The following PLXNA4 variants were observed in gnomAD, a reference collection of about 807,000 sequenced individuals.
The protein encoded by PLXNA4 is plexin-A4.
PLXNA4 carries 44 observed loss-of-function variants against 191.8 expected under a neutral mutation model. That is an observed-to-expected ratio of 0.23 (90% CI 0.18 to 0.29). The LOEUF (loss-of-function observed/expected upper bound fraction) is 0.29, where lower values mean the gene tolerates loss of function less well. Ranked by LOEUF, PLXNA4 falls within the 10% of genes least tolerant of loss-of-function variation. The probability of loss-of-function intolerance (pLI) is 1.00; values close to 1 mark genes in which losing one functional copy is unlikely to be tolerated. For synonymous variants in PLXNA4, 1,082 were observed against 1,009.5 expected (o/e 1.07, Z -1.36); for missense variants, 1,800 against 2,488.8 (o/e 0.72, Z 5.89).
chr7:132,505,076 C>T (rs918286898), intron 2 of PLXNA4, among the ~76,000 whole-genome samples: 2 of 152,266 alleles, frequency 1.3e-5, no homozygotes, highest in Non-Finnish European at 2.9e-5. Flanking sequence ...AGCCCCAGGC[C>T]TGTGCAGAGT....
intron 1 of PLXNA4, among the ~76,000 whole-genome samples, chr7:132,546,524 T>C (rs1332433501): frequency 6.6e-6 from 1 of 152,204 alleles, no homozygotes; most frequent in Non-Finnish European, 1.5e-5. Context: ...CAGTGGGCAC[T>C]GTTAATTCAC....
chr7:132,481,480 T>C (rs1018041111), intron 3 of PLXNA4, among the ~76,000 whole-genome samples: 3 of 151,936 alleles, frequency 2.0e-5, no homozygotes, highest in African/African-American at 7.3e-5. Flanking sequence ...CCTTTTCTCC[T>C]GGGTAAAATG....
At chr7:132,547,043 T>G (rs1474664475) in intron 1 of PLXNA4, among the ~76,000 whole-genome samples, 1 of 152,174 alleles carries the variant, frequency 6.6e-6, no homozygotes, top group Non-Finnish European at 1.5e-5. Context: ...CTTCCTCTCT[T>G]GAAATAGTAA....
rs766893062 is a variant in PLXNA4, at chr7:132,211,124, C to T, written c.2117G>A (p.Arg706Gln). 4.3e-5 allele frequency: 67 copies of T among 1,562,930 alleles called. No individual in the cohort carries two copies. In the Middle Eastern group the frequency reaches 1.0e-3, roughly 23 times the overall value. ...KLPEDCPQLL[R>Q]VDKILVPVEV... ...CACGGGCACCAGGATCTTGTCCACT[C>T]GCAGCAGCTGGGGGCAGTCCTGGGG... The change falls in exon 10 of 32, where the codon CGA (arginine) becomes CAA (glutamine). Residue 706 changes from arginine to glutamine, a missense_variant. By Grantham distance (43) the Arg-to-Gln change is conservative (BLOSUM62 1). Transcript: ENST00000321063.
chr7:132,376,083 C>G (rs1804646548), intron 3 of PLXNA4, among the ~76,000 whole-genome samples: 1 of 152,184 alleles, frequency 6.6e-6, no homozygotes, highest in South Asian at 2.1e-4. Context: ...CCACCTGTAG[C>G]ATCTGCCCCA....
At chr7:132,491,961 C>G (rs1183961216) in intron 2 of PLXNA4, among the ~76,000 whole-genome samples, 4 of 152,176 alleles carry the variant, frequency 2.6e-5, no homozygotes, top group Non-Finnish European at 4.4e-5. Flanking sequence ...CCTGCCAGGC[C>G]TTCCAAGGGC....
chr7:132,635,130 A>G (rs1205668836), intron 2 of PLXNA4, among the ~76,000 whole-genome samples: 1 of 149,216 alleles, frequency 6.7e-6, no homozygotes, highest in Non-Finnish European at 1.5e-5. Flanking sequence ...CTATTGTGGG[A>G]CCTTGTGATG....
In PLXNA4 at chr7:132,242,805, C is replaced by G. The variant is rs991126072; in HGVS notation, c.1504-1639G>C. Among the ~76,000 whole-genome samples the G allele has an allele frequency of 5.3e-5, 8 of 152,306 alleles. No individual in the cohort carries two copies. The East Asian group carries it at 1.5e-3, about 29-fold the overall frequency. On this transcript the variant is annotated intron_variant, in intron 4 of 31. Coordinates refer to ENST00000321063, the MANE Select transcript of PLXNA4 (RefSeq NM_020911.2). ...GTCTGCCTACATATGACCTTCCTAT[C>G]CTACTAATTAACCTTAACAATTAGT...
intron 2 of PLXNA4, among the ~76,000 whole-genome samples, chr7:132,635,775 A>G (rs1051296336): frequency 6.6e-6 from 1 of 151,668 alleles, no homozygotes; most frequent in African/African-American, 2.4e-5. Context: ...CAACACAGGA[A>G]TTTTCCAACT....
intron 9 of PLXNA4, among the ~76,000 whole-genome samples, chr7:132,216,150 C>T (rs1436954089): frequency 6.6e-6 from 1 of 152,164 alleles, no homozygotes; most frequent in African/African-American, 2.4e-5. Context: ...TTCTAGGCTA[C>T]CCAAGTGGTT....
Position 132,228,398 on chromosome 7 carries a change from A to G in PLXNA4, c.1676T>C (p.Val559Ala), listed in dbSNP as rs1798406253. 1 of 1,614,146 alleles carries G rather than the reference A, an allele frequency of 6.2e-7. No individual in the cohort carries two copies. The highest frequency in any genetic ancestry group is 2.2e-5 in the East Asian group (1 of 44,868). The change falls in exon 6 of 32, where the codon GTC becomes GCC. Residue 559 changes from valine to alanine, a missense_variant. Val to Ala is a moderately conservative substitution (Grantham distance 64). This residue lies in a region of PLXNA4 where 1,397 missense variants were observed against 1,880.4 expected (regional missense o/e 0.74). Transcript: ENST00000321063. ...ATTGTTGGGATGGACCGTCAGCCGGACACACTGCTTCATCTCCGAGGCAAA... is the reference window on the plus strand; with the variant it reads ...ATTGTTGGGATGGACCGTCAGCCGGGCACACTGCTTCATCTCCGAGGCAAA... ...RRFASEMKQC[V>A]RLTVHPNNIS...
chr7:132,603,152 T>A (rs1008805666), intron 2 of PLXNA4, among the ~76,000 whole-genome samples: 1 of 152,220 alleles, frequency 6.6e-6, no homozygotes, highest in Admixed American at 6.5e-5. Context: ...TTTGCTGGTT[T>A]CAATTTTCCT....
intron 3 of PLXNA4, among the ~76,000 whole-genome samples, chr7:132,378,163 C>T (rs758590922): frequency 5.9e-5 from 9 of 152,140 alleles, no homozygotes; most frequent in Non-Finnish European, 1.3e-4. Context: ...AGAGTCATGA[C>T]GGTACCTGGA....
intron 5 of PLXNA4, among the ~76,000 whole-genome samples, chr7:132,235,315 A>T (rs1403713138): frequency 6.6e-6 from 1 of 152,244 alleles, no homozygotes; most frequent in Non-Finnish European, 1.5e-5. Flanking sequence ...ATGGCTATGA[A>T]ATTAGAGCTG....
chr7:132,309,460 T>C (rs1384457196), intron 3 of PLXNA4, among the ~76,000 whole-genome samples: 26 of 152,060 alleles, frequency 1.7e-4, no homozygotes, highest in Non-Finnish European at 2.4e-4. Context: ...CACGCCTCTA[T>C]TGCCTCATCC....
intron 2 of PLXNA4, among the ~76,000 whole-genome samples, chr7:132,596,316 G>A (rs1216397399): frequency 6.6e-6 from 1 of 152,160 alleles, no homozygotes; most frequent in Non-Finnish European, 1.5e-5. Flanking sequence ...AAGCAGGGCT[G>A]GATGTTCCTG....
At chr7:132,605,094 C>T (rs1283771774) in intron 2 of PLXNA4, among the ~76,000 whole-genome samples, 1 of 152,236 alleles carries the variant, frequency 6.6e-6, no homozygotes. Flanking sequence ...CTGCAGGAAT[C>T]ATCTCATTTA....
intron 2 of PLXNA4, among the ~76,000 whole-genome samples, chr7:132,605,373 G>A (rs1802904088): frequency 6.6e-6 from 1 of 152,132 alleles, no homozygotes; most frequent in African/African-American, 2.4e-5. Context: ...TTTAGAGAGG[G>A]GATCCAGTGA....
At chr7:132,524,127 AC>A (rs1799304275) in intron 1 of PLXNA4, among the ~76,000 whole-genome samples, 1 of 152,180 alleles carries the variant, frequency 6.6e-6, no homozygotes, top group African/African-American at 2.4e-5. Flanking sequence ...TATCAACCTA[AC>A]CCTGCAAAAA....
Sources: gnomAD v4.1 joint callset for allele counts (sites outside exome capture counted in the v4.1 genomes callset) on GRCh38, gnomAD v4.1.1 for gene constraint, gnomAD v4.1.1 regional missense constraint, MANE v1.5 for transcripts, NCBI Gene and HGNC (gene_info 2026-07-23, HGNC 2026-07-21) for gene names.